Variants in OGG1 observed in about 807,000 individuals in gnomAD.
OGG1 encodes 8-oxoguanine DNA glycosylase, also known as N-glycosylase/DNA lyase.
Under a neutral mutation model 42.3 loss-of-function variants are expected in OGG1, and 35 were observed. The observed-to-expected ratio is 0.83, with a 90% CI of 0.63 to 1.10. OGG1 has a LOEUF of 1.10. Among genes scored for constraint, OGG1 ranks in the 50% least tolerant of loss-of-function variants. OGG1 has a pLI of 0.00. For missense variants in OGG1, 484 were observed against 446.7 expected, an observed-to-expected ratio of 1.08 and a Z score of -0.75; for synonymous variants, 189 against 179.0, an observed-to-expected ratio of 1.06 and a Z score of -0.44.
chr3:9,761,780 A>G (rs747407167), downstream of OGG1: 1 of 1,613,508 alleles, frequency 6.2e-7, no homozygotes, highest in Non-Finnish European at 8.5e-7. Context: ...GAGGGAAGAG[A>G]AGGGGCAATC....
At chr3:9,786,139 T>C (rs1371347428) in intron 3 of OGG1, among the ~76,000 whole-genome samples, 2 of 152,050 alleles carry the variant, frequency 1.3e-5, no homozygotes, top group Non-Finnish European at 2.9e-5. Context: ...CGGGGTTTCA[T>C]CATGTTAGCC....
intron 4 of OGG1, 131 bp downstream of exon 4, chr3:9,755,016 AGAT>A: frequency 1.3e-6 from 1 of 743,598 alleles, no homozygotes; most frequent in Non-Finnish European, 2.3e-6. Flanking sequence ...GGATATAAGT[AGAT>A]GTTTTATGAG....
chr3:9,755,517 G>A (rs2077502021), intron 4 of OGG1, among the ~76,000 whole-genome samples: 1 of 147,960 alleles, frequency 6.8e-6, no homozygotes, highest in Admixed American at 6.8e-5. Flanking sequence ...AGGCTGGAGT[G>A]CAGTGGTGCA....
chr3:9,787,925 C>T, exon 4 of OGG1: 1 of 361,746 alleles, frequency 2.8e-6, no homozygotes, highest in Non-Finnish European at 5.4e-6. Context: ...TGCCAGAGGC[C>T]CAGAGACCAG....
At chr3:9,776,617 C>G (rs928375433) in intron 2 of OGG1, among the ~76,000 whole-genome samples, 1 of 152,096 alleles carries the variant, frequency 6.6e-6, no homozygotes, top group African/African-American at 2.4e-5. Context: ...TCTCGATCTC[C>G]TGACCTCGTG....
In OGG1 at chr3:9,750,332, C is replaced by G; in HGVS notation, c.46C>G (p.Leu16Val). ...GCCCAGGCGCATGGGGCATCGTACT[C>G]TAGCCTCCACTCCTGCCCTGTGGGC... ...LLPRRMGHRT[L>V]ASTPALWASI... Residue 16 changes from leucine (L) to valine (V), a missense_variant, in exon 1 of 7, where the codon CTA becomes GTA. Leu to Val is a conservative substitution (Grantham distance 32, BLOSUM62 1). Transcript: ENST00000344629. 2 of 1,613,970 alleles carry G rather than the reference C, an allele frequency of 1.2e-6. No homozygotes were observed. Among genetic ancestry groups the G allele is most frequent in the South Asian group, 1.1e-5 (1 of 91,078 alleles).
intron 1 of OGG1, chr3:9,750,671 G>C: frequency 1.4e-6 from 1 of 696,344 alleles, no homozygotes; most frequent in South Asian, 1.8e-5. Flanking sequence ...ACAGGGTCTC[G>C]CTCTGTTGCC....
At chr3:9,776,056 T>A (rs2078359250) in intron 2 of OGG1, among the ~76,000 whole-genome samples, 1 of 152,216 alleles carries the variant, frequency 6.6e-6, no homozygotes, top group African/African-American at 2.4e-5. Flanking sequence ...CACCATTGTC[T>A]AGAGAATAAA....
rs2077226766 is a variant in OGG1 at position 9,750,154 on chromosome 3, G to A, written c.-133G>A. Reference sequence around the variant, plus strand: ...GAGGTGGAGGAATTAAGTGAAACAGGGAAGGTTGTTAAACAGCACCGTGTG... The same window carrying A: ...GAGGTGGAGGAATTAAGTGAAACAGAGAAGGTTGTTAAACAGCACCGTGTG... On this transcript the variant is annotated 5_prime_UTR_variant, in exon 1 of 7. Coordinates refer to ENST00000344629, the MANE Select transcript of OGG1 (RefSeq NM_002542.6). 5 of 1,155,006 alleles carry A rather than the reference G, an allele frequency of 4.3e-6. No homozygotes were observed. The East Asian group carries it at 1.2e-4, about 27-fold the overall frequency. 71.5% of individuals were successfully genotyped at this position (1,155,006 alleles called of 1,614,324 possible).
At chr3:9,787,601 TAC>T in intron 3 of OGG1, 2 of 1,125,880 alleles carry the variant, frequency 1.8e-6, no homozygotes, top group Non-Finnish European at 2.5e-6. Context: ...GCAGAATACG[TAC>T]ACAGATTGTC....
At chr3:9,779,393 T>C (rs1327153064) in intron 2 of OGG1, among the ~76,000 whole-genome samples, 4 of 151,874 alleles carry the variant, frequency 2.6e-5, no homozygotes. Context: ...TGGATGTAAA[T>C]GAGGAAGCAT....
chr3:9,753,433 A>C (rs1256125642), intron 3 of OGG1, among the ~76,000 whole-genome samples: 4 of 151,582 alleles, frequency 2.6e-5, no homozygotes, highest in Non-Finnish European at 2.9e-5. Flanking sequence ...CGGGTGGATC[A>C]CGAGGTCAGG....
downstream of OGG1, among the ~76,000 whole-genome samples, chr3:9,790,848 G>A (rs963554377): frequency 2.0e-5 from 3 of 152,172 alleles, no homozygotes; most frequent in African/African-American, 4.8e-5. Context: ...GCTAGCAAGC[G>A]CTTATGCCAG....
At chr3:9,784,355 G>A (rs2078554359) in intron 3 of OGG1, 1 of 1,121,418 alleles carries the variant, frequency 8.9e-7, no homozygotes, top group Non-Finnish European at 1.2e-6. Context: ...GATACAAAGG[G>A]AGGGACAGAC....
At chr3:9,763,456 C>G (rs891760820) in intron 7 of OGG1, among the ~76,000 whole-genome samples, 1 of 151,862 alleles carries the variant, frequency 6.6e-6, no homozygotes, top group Non-Finnish European at 1.5e-5. Flanking sequence ...CTCAGCCACC[C>G]CCAACCCCCG....
intron 3 of OGG1, chr3:9,785,236 A>C: frequency 8.8e-7 from 1 of 1,140,856 alleles, no homozygotes; most frequent in Non-Finnish European, 1.3e-6. Flanking sequence ...CTTACTGATG[A>C]GGACTTCCCC....
At chr3:9,760,793 A>T, downstream of OGG1, 2 of 1,613,532 alleles carry the variant, frequency 1.2e-6, no homozygotes, top group South Asian at 2.2e-5. Context: ...ACTCATCCTC[A>T]TTTCCACTTT....
chr3:9,786,179 TCCGC>T (rs1470944273), intron 3 of OGG1, among the ~76,000 whole-genome samples: 1 of 152,122 alleles, frequency 6.6e-6, no homozygotes. Flanking sequence ...GACCTTGTGA[TCCGC>T]CCGCCTCAGC....
chr3:9,781,557 T>C, exon 3 of OGG1: 1 of 456,704 alleles, frequency 2.2e-6, no homozygotes, highest in South Asian at 1.5e-5. Context: ...GGCATCTGCA[T>C]TCCAGAGCCC....
Sources: gnomAD v4.1 joint callset for allele counts (sites outside exome capture counted in the v4.1 genomes callset) on GRCh38, gnomAD v4.1.1 for gene constraint, MANE v1.5 for transcripts, NCBI Gene and HGNC (gene_info 2026-07-23, HGNC 2026-07-21) for gene names.